Variants in NUP93 observed in about 807,000 individuals in gnomAD.
The protein encoded by NUP93 is nuclear pore complex protein Nup93.
In NUP93, 55 loss-of-function variants were observed where a neutral mutation model predicts 107.8. That is an observed-to-expected ratio of 0.51 (90% CI 0.41 to 0.64). NUP93 has a LOEUF of 0.64. Among genes scored for constraint, NUP93 ranks in the 30% least tolerant of loss-of-function variants. The pLI is 0.00. For synonymous variants in NUP93, 390 were observed against 397.5 expected (o/e 0.98, Z 0.22); for missense variants, 937 against 1,044.7 (o/e 0.90, Z 1.42).
chr16:56,808,241 T>C lies in NUP93; in HGVS notation c.489+2609T>C, dbSNP rs191352798. ...TGTAACTATATAAAATATATAGTTA[T>C]GTAACTATATAAAATATATAGTTAT... On this transcript the variant is annotated intron_variant, in intron 5 of 21. Transcript: ENST00000308159. Among the ~76,000 whole-genome samples, 280 of 96,038 alleles carry C rather than the reference T, an allele frequency of 2.9e-3. 10 individuals carry two copies. The highest frequency in any genetic ancestry group is 0.012 in the African/African-American group (238 of 20,654). 63.0% of individuals were successfully genotyped at this position (96,038 alleles called of 152,430 possible).
At position 56,844,506 on chromosome 16, in the gene NUP93, G is replaced by T; in HGVS notation, c.2357G>T (p.Arg786Leu). The change falls in exon 22 of 22, where the codon CGA (arginine) becomes CTA (leucine). Residue 786 changes from arginine (R) to leucine (L), a missense_variant. Coordinates refer to ENST00000308159, the MANE Select transcript of NUP93 (RefSeq NM_014669.5). ...RVIEDRDSQL[R>L]SQARTLITFA... is the part of the protein sequence containing the mutation. The stretch of plus-strand genomic sequence containing the variant: ...CCTTCCCTTCTCTCTCAGCAACTCC[G>T]AAGTCAAGCCCGCACTCTGATTACC... 6.8e-7 allele frequency: 1 copy of T among 1,465,330 alleles called. No homozygotes were observed. Among genetic ancestry groups the T allele is most frequent in the Non-Finnish European group, 9.1e-7 (1 of 1,099,950 alleles). 90.8% of individuals were successfully genotyped at this position (1,465,330 alleles called of 1,614,324 possible).
intron 1 of NUP93, among the ~76,000 whole-genome samples, chr16:56,739,956 C>G (rs866734004): frequency 6.4e-4 from 75 of 116,670 alleles, no homozygotes; most frequent in African/African-American, 1.3e-3. Context: ...GCCGACCCCC[C>G]CCACCTCCCT....
At chr16:56,774,883 T>G (rs1389732399) in intron 3 of NUP93, among the ~76,000 whole-genome samples, 10 of 151,218 alleles carry the variant, frequency 6.6e-5, no homozygotes, top group African/African-American at 2.4e-4. Flanking sequence ...CAGATTAAGG[T>G]TTTTTTTGTT....
intron 3 of NUP93, among the ~76,000 whole-genome samples, chr16:56,768,487 C>T (rs554063982): frequency 2.6e-5 from 4 of 151,472 alleles, no homozygotes; most frequent in African/African-American, 4.9e-5. Context: ...TGCTTGAACC[C>T]GGGAGGCGGA....
In NUP93 at chr16:56,824,374, G is replaced by A. The variant is rs937552104; in HGVS notation, c.794+528G>A. Among the ~76,000 whole-genome samples the A allele has an allele frequency of 2.0e-5, 3 of 152,148 alleles. No individual in the cohort carries two copies. The East Asian group carries it at 5.8e-4, about 29-fold the overall frequency. ...TTCTTTGCCACCTCCTCACCAATCAGAGCTGGTCACTGAGGGGTTTGTGGC... is the reference window on the plus strand; with the variant it reads ...TTCTTTGCCACCTCCTCACCAATCAAAGCTGGTCACTGAGGGGTTTGTGGC... On this transcript the variant is annotated intron_variant, in intron 8 of 21. Transcript: ENST00000308159.
Position 56,831,898 on chromosome 16 carries a change from AC to A in NUP93, c.1143del (p.Asn381LysfsTer36). 6.2e-7 allele frequency: 1 copy of A among 1,614,120 alleles called. No individual in the cohort carries two copies. ...LRLHYRRALR[N>X]NTDPYKRAVY... is the part of the protein sequence containing the mutation. ...CTGCATTACCGTAGGGCCCTCAGGAACAATACAGATCCCTACAAGCGGGCCG... is the reference window on the plus strand; with the variant it reads ...CTGCATTACCGTAGGGCCCTCAGGAAAATACAGATCCCTACAAGCGGGCCG... On this transcript the variant is annotated frameshift_variant, in exon 11 of 22. Coordinates refer to ENST00000308159, the MANE Select transcript of NUP93 (RefSeq NM_014669.5). LOFTEE classifies it high-confidence loss of function.
In NUP93 at chr16:56,836,602, C is replaced by T; in HGVS notation, c.1784C>T (p.Pro595Leu). 12 of 1,597,460 alleles carry T rather than the reference C, an allele frequency of 7.5e-6. No individual in the cohort carries two copies. Among genetic ancestry groups the T allele is most frequent in the Non-Finnish European group, 1.0e-5 (12 of 1,165,244 alleles). Reference sequence around the variant, plus strand: ...CCCCTCCATAATTTGTCTTGTCAGCCTGGAGTCATAGATAAGTTTACTAGT... The same window carrying T: ...CCCCTCCATAATTTGTCTTGTCAGCTTGGAGTCATAGATAAGTTTACTAGT... Reference protein sequence around the residue: ...GKLENDGSRKPGVIDKFTSDT... With the variant: ...GKLENDGSRKLGVIDKFTSDT... Residue 595 changes from proline to leucine, a missense_variant and splice_region_variant, in exon 17 of 22, where the codon CCT (proline) becomes CTT (leucine). Pro to Leu is a moderately conservative substitution (Grantham distance 98). Transcript: ENST00000308159.
At chr16:56,763,572 A>T (rs765877908) in intron 3 of NUP93, among the ~76,000 whole-genome samples, 4 of 151,368 alleles carry the variant, frequency 2.6e-5, no homozygotes, top group Non-Finnish European at 5.9e-5. Context: ...TTTTTCTTTT[A>T]TAACATATCT....
At chr16:56,837,776 C>G (rs1474612500) in intron 18 of NUP93, 50 bp downstream of exon 18, 1 of 1,406,236 alleles carries the variant, frequency 7.1e-7, no homozygotes, top group South Asian at 1.2e-5. Context: ...ACTGCCAGTG[C>G]CAGGCCACCT....
At chr16:56,757,364 C>T (rs1962043463) in intron 2 of NUP93, among the ~76,000 whole-genome samples, 1 of 152,084 alleles carries the variant, frequency 6.6e-6, no homozygotes, top group Non-Finnish European at 1.5e-5. Flanking sequence ...CCTGTAATCC[C>T]GGCACTTTTG....
At chr16:56,796,397 G>T (rs1962898644) in intron 3 of NUP93, among the ~76,000 whole-genome samples, 1 of 152,210 alleles carries the variant, frequency 6.6e-6, no homozygotes, top group African/African-American at 2.4e-5. Context: ...ATGCAGCTTG[G>T]TGTAGTAGGC....
At chr16:56,830,488 T>C in intron 9 of NUP93, 40 bp from the exon 10 acceptor site, 2 of 1,512,706 alleles carry the variant, frequency 1.3e-6, no homozygotes, top group Non-Finnish European at 1.8e-6. Context: ...CAGTCAGCCT[T>C]TCCTTGTTTA....
chr16:56,802,462 A>G (rs1264301449), intron 4 of NUP93, among the ~76,000 whole-genome samples: 1 of 152,306 alleles, frequency 6.6e-6, no homozygotes, highest in East Asian at 1.9e-4. Flanking sequence ...TGCCTGACTC[A>G]GTGAAAAGAA....
At chr16:56,786,899 T>C (rs528387049) in intron 3 of NUP93, among the ~76,000 whole-genome samples, 2 of 152,216 alleles carry the variant, frequency 1.3e-5, no homozygotes, top group Non-Finnish European at 2.9e-5. Context: ...TTTCAGGCAA[T>C]TTGTATTTGA....
intron 8 of NUP93, among the ~76,000 whole-genome samples, chr16:56,828,068 G>A (rs749829373): frequency 6.6e-6 from 1 of 151,990 alleles, no homozygotes; most frequent in Non-Finnish European, 1.5e-5. Context: ...GTTGCAGTGA[G>A]CCAAGATCAT....
At chr16:56,824,601 A>G (rs550028842) in intron 8 of NUP93, among the ~76,000 whole-genome samples, 55 of 152,366 alleles carry the variant, frequency 3.6e-4, no homozygotes, top group African/African-American at 1.3e-3. Context: ...TACACTTGCT[A>G]AATTGCAGGC....
At chr16:56,795,236 A>G (rs1424236706) in intron 3 of NUP93, among the ~76,000 whole-genome samples, 2 of 152,166 alleles carry the variant, frequency 1.3e-5, no homozygotes, top group African/African-American at 4.8e-5. Context: ...TTAGTCATTG[A>G]TAATAGTTTC....
intron 3 of NUP93, among the ~76,000 whole-genome samples, chr16:56,793,443 C>T (rs1336306893): frequency 6.6e-6 from 1 of 152,086 alleles, no homozygotes; most frequent in East Asian, 1.9e-4. Context: ...AACTGTTGGG[C>T]CTTTTCTGTA....
rs1443899736 is a variant in NUP93, at chr16:56,782,036, CTCTT to C, written c.298-16438_298-16435del. 23 of 985,022 alleles carry C rather than the reference CTCTT, an allele frequency of 2.3e-5. No homozygotes were observed. In the South Asian group the frequency reaches 6.6e-4, roughly 28 times the overall value. The allele number at this position is 985,022 out of a possible 1,614,324, so 61.0% of individuals were successfully genotyped here. On this transcript the variant is annotated intron_variant, in intron 3 of 21. Coordinates refer to ENST00000308159, the MANE Select transcript of NUP93 (RefSeq NM_014669.5). ...TGTTCTTTTCCTTTTTCTTCTTTCT[CTCTT>C]TTTCTCTTCTCTCTGTCCTTCTCCC...
Sources: gnomAD v4.1 joint callset for allele counts (sites outside exome capture counted in the v4.1 genomes callset) on GRCh38, gnomAD v4.1.1 for gene constraint, MANE v1.5 for transcripts, NCBI Gene and HGNC (gene_info 2026-07-23, HGNC 2026-07-21) for gene names.